ADAM12: variants seen among roughly 807,000 people sequenced by gnomAD.
ADAM12 encodes disintegrin and metalloproteinase domain-containing protein 12.
In ADAM12, 70 loss-of-function variants were observed where a neutral mutation model predicts 106.4. The observed-to-expected ratio is 0.66, with a 90% CI of 0.54 to 0.80. ADAM12 has a LOEUF of 0.80. Ranked by LOEUF, ADAM12 falls within the 30% of genes least tolerant of loss-of-function variation. The pLI is 0.00. For missense variants in ADAM12, 1,010 were observed against 1,171.9 expected (o/e 0.86, Z 2.02); for synonymous variants, 420 against 433.5 (o/e 0.97, Z 0.39).
rs151286204 is a variant in ADAM12, at chr10:126,156,161, C to A, written c.261-856G>T. Among the ~76,000 whole-genome samples, 473 of 152,306 alleles carry A rather than the reference C, an allele frequency of 3.1e-3. 4 individuals carry two copies. Among genetic ancestry groups the A allele is most frequent in the African/African-American group, 0.01 (429 of 41,566 alleles). The stretch of plus-strand genomic sequence containing the variant: ...AAAGACAAATAGGAACAGCCCCCAT[C>A]TTGATGACACCACGAGCTGGTAGGG... On this transcript the variant is annotated intron_variant, in intron 3 of 22. Coordinates refer to ENST00000448723, the MANE Select transcript of ADAM12 (RefSeq NM_001288973.2).
chr10:126,304,103 C>G (rs913133500), intron 2 of ADAM12, among the ~76,000 whole-genome samples: 14 of 152,094 alleles, frequency 9.2e-5, no homozygotes, highest in African/African-American at 3.1e-4. Flanking sequence ...GACACTCAAT[C>G]ATTTTTCTCT....
At chr10:126,167,412 T>C (rs1217706253) in intron 3 of ADAM12, among the ~76,000 whole-genome samples, 1 of 152,216 alleles carries the variant, frequency 6.6e-6, no homozygotes, top group Non-Finnish European at 1.5e-5. Context: ...AATGTAGCAA[T>C]CTCTGTCTTT....
At chr10:126,304,938 C>T (rs1960780300) in intron 2 of ADAM12, among the ~76,000 whole-genome samples, 2 of 151,686 alleles carry the variant, frequency 1.3e-5, no homozygotes, top group African/African-American at 4.8e-5. Context: ...ACTGAATATA[C>T]CAAGTGTAAA....
intron 3 of ADAM12, among the ~76,000 whole-genome samples, chr10:126,189,895 G>C (rs1053237338): frequency 3.3e-5 from 5 of 152,140 alleles, no homozygotes; most frequent in African/African-American, 1.2e-4. Context: ...TCCCTAGGCC[G>C]TGTGTGCAGC....
At chr10:126,119,918 C>T (rs1477840069) in intron 5 of ADAM12, among the ~76,000 whole-genome samples, 3 of 152,150 alleles carry the variant, frequency 2.0e-5, no homozygotes, top group Non-Finnish European at 4.4e-5. Context: ...AAAGGTGCTT[C>T]CTGATGTTGA....
At chr10:126,252,194 T>C (rs1238852828) in intron 3 of ADAM12, among the ~76,000 whole-genome samples, 1 of 6,626 alleles carries the variant, frequency 1.5e-4, no homozygotes, top group Non-Finnish European at 3.6e-4. Context: ...ATGGATGGGA[T>C]GGATGAGATG....
intron 3 of ADAM12, among the ~76,000 whole-genome samples, chr10:126,160,737 A>C (rs923320657): frequency 1.3e-5 from 2 of 152,124 alleles, no homozygotes; most frequent in African/African-American, 4.8e-5. Context: ...GTGAAATCCC[A>C]ACGCCTCCCG....
chr10:126,024,655 G>A (rs967171178), intron 21 of ADAM12, among the ~76,000 whole-genome samples: 6 of 152,102 alleles, frequency 3.9e-5, no homozygotes, highest in African/African-American at 1.4e-4. Flanking sequence ...GTAGCAAGAG[G>A]AAGATCATAT....
At chr10:126,338,451 A>G (rs1169073852) in intron 1 of ADAM12, among the ~76,000 whole-genome samples, 8 of 151,122 alleles carry the variant, frequency 5.3e-5, no homozygotes, top group African/African-American at 2.0e-4. Flanking sequence ...ACGGGGTTTC[A>G]CCGTTTTAGC....
chr10:126,221,389 CAAAAA>C (rs35766891), intron 3 of ADAM12, among the ~76,000 whole-genome samples: 4 of 100,708 alleles, frequency 4.0e-5, no homozygotes, highest in Non-Finnish European at 6.2e-5. Flanking sequence ...GACTCTGTCT[CAAAAA>C]AAAAAAAAAA....
At chr10:126,238,992 A>C (rs1958471761) in intron 3 of ADAM12, among the ~76,000 whole-genome samples, 1 of 152,224 alleles carries the variant, frequency 6.6e-6, no homozygotes, top group Non-Finnish European at 1.5e-5. Context: ...TTCAGGGACT[A>C]AAATAGTTAG....
intron 11 of ADAM12, among the ~76,000 whole-genome samples, chr10:126,092,369 T>C (rs929344494): frequency 1.3e-5 from 2 of 152,164 alleles, no homozygotes; most frequent in Non-Finnish European, 2.9e-5. Flanking sequence ...TGGCCCAGCA[T>C]AGCGATCAGG....
At chr10:126,250,119 G>A (rs1205440050) in intron 3 of ADAM12, among the ~76,000 whole-genome samples, 2 of 152,170 alleles carry the variant, frequency 1.3e-5, no homozygotes, top group Non-Finnish European at 2.9e-5. Flanking sequence ...AAAGCTGCAA[G>A]CCAGGGCATA....
At chr10:126,246,775 A>G (rs968337024) in intron 3 of ADAM12, among the ~76,000 whole-genome samples, 2 of 152,346 alleles carry the variant, frequency 1.3e-5, no homozygotes, top group South Asian at 4.1e-4. Context: ...CACAGCCAAC[A>G]TAATGAATGG....
At chr10:126,190,501 C>A (rs185569588) in intron 3 of ADAM12, among the ~76,000 whole-genome samples, 1 of 152,086 alleles carries the variant, frequency 6.6e-6, no homozygotes, top group Admixed American at 6.5e-5. Context: ...ACACCACACC[C>A]GGCCCCAATT....
rs1287552587 is a variant in ADAM12, at chr10:126,053,824, G to A, written c.1610-4155C>T. Among the ~76,000 whole-genome samples the A allele has an allele frequency of 9.2e-5, 14 of 152,100 alleles. No homozygotes were observed. The East Asian group carries it at 2.7e-3, about 29-fold the overall frequency. On this transcript the variant is annotated intron_variant, in intron 14 of 22. Transcript: ENST00000448723. This position sits in a 1 kb window ranked among gnomAD's most constrained non-coding sequence, Gnocchi z 4.6. ...GGGTTCAAGCTATTCTCCTGCCTCA[G>A]CCTCTCATTTAGCTGGAATTACAGG... is the stretch of plus-strand genomic sequence containing the variant.
intron 19 of ADAM12, 150 bp from the exon 20 acceptor site, chr10:126,038,499 T>G (rs1352520347): frequency 1.8e-6 from 1 of 556,144 alleles, no homozygotes; most frequent in East Asian, 3.2e-5. Flanking sequence ...AATAACACTC[T>G]TAGGAGATTA....
At chr10:126,226,910 T>C (rs1405419171) in intron 3 of ADAM12, among the ~76,000 whole-genome samples, 2 of 152,208 alleles carry the variant, frequency 1.3e-5, no homozygotes, top group Non-Finnish European at 2.9e-5. Flanking sequence ...TGAACATATA[T>C]ACTGGCCAAG....
chr10:126,147,312 T>G (rs1378202065), intron 4 of ADAM12, among the ~76,000 whole-genome samples: 1 of 152,178 alleles, frequency 6.6e-6, no homozygotes, highest in Non-Finnish European at 1.5e-5. Flanking sequence ...TTCAGGCTGT[T>G]CCACAAGAGG....
Sources: gnomAD v4.1 joint callset for allele counts (sites outside exome capture counted in the v4.1 genomes callset) on GRCh38, gnomAD v4.1.1 for gene constraint, Gnocchi (gnomAD v3.1) non-coding constraint, MANE v1.5 for transcripts, NCBI Gene and HGNC (gene_info 2026-07-23, HGNC 2026-07-21) for gene names.